Variants in ZNF888 observed in about 807,000 individuals in gnomAD.
The protein encoded by ZNF888 is zinc finger protein 888.
Under a neutral mutation model 7.2 loss-of-function variants are expected in ZNF888, and 5 were observed. The ratio of observed to expected loss-of-function variants is 0.70; its 90% confidence interval spans 0.36 to 1.46. The LOEUF (loss-of-function observed/expected upper bound fraction) is 1.46, where lower values mean the gene tolerates loss of function less well. ZNF888 is among the 40% of genes most tolerant of loss of function. The pLI is 0.03. For synonymous variants in ZNF888, 240 were observed against 284.3 expected (o/e 0.84, Z 1.57); for missense variants, 716 against 858.0 (o/e 0.83, Z 2.07).
Position 52,905,715 on chromosome 19 carries a change from TA to T in ZNF888, c.*449del, listed in dbSNP as rs1344261016. 13 of 461,538 alleles carry T rather than the reference TA, an allele frequency of 2.8e-5. No homozygotes were observed. Among genetic ancestry groups the T allele is most frequent in the Middle Eastern group, 3.4e-4 (1 of 2,928 alleles). The allele number at this position is 461,538 out of a possible 1,614,324, so 28.6% of individuals were successfully genotyped here. ...ATGCTGAACTGACTCTAGTGTCAAT[TA>T]ATGCTTGATGGTTTGCTATACTCAT... On this transcript the variant is annotated 3_prime_UTR_variant, in exon 5 of 5. Transcript: ENST00000638862.
At chr19:52,916,050 G>A (rs2064743270) in intron 3 of ZNF888, among the ~76,000 whole-genome samples, 1 of 152,382 alleles carries the variant, frequency 6.6e-6, no homozygotes, top group South Asian at 2.1e-4. Context: ...GGAGGCTGAG[G>A]CAGGAGAATG....
chr19:52,914,432 T>C (rs2064721245), intron 4 of ZNF888: 1 of 841,638 alleles, frequency 1.2e-6, no homozygotes, highest in Non-Finnish European at 1.4e-6. Flanking sequence ...GAAAGGACCA[T>C]GAAGTGCTGG....
In ZNF888 at chr19:52,904,806, G is replaced by GTATTAAACAA. The variant is rs1440353880; in HGVS notation, c.*1358_*1359insTTGTTTAATA. ...GTTTTTTTCCTAAAACAGGTACTGA[G>GTATTAAACAA]TATAAAACAATATAAAACAATATGA... On this transcript the variant is annotated 3_prime_UTR_variant, in exon 5 of 5. Transcript: ENST00000638862. 3 of 152,166 alleles carry GTATTAAACAA rather than the reference G, an allele frequency of 2.0e-5. No homozygotes were observed. Among genetic ancestry groups the GTATTAAACAA allele is most frequent in the Non-Finnish European group, 2.9e-5 (2 of 68,036 alleles). The allele number at this position is 152,166 out of a possible 1,614,324, so 9.4% of individuals were successfully genotyped here.
Position 52,907,428 on chromosome 19 carries a change from G to T in ZNF888, c.894C>A (p.Tyr298Ter). The T allele has an allele frequency of 6.2e-7, 1 of 1,611,648 alleles. No homozygotes were observed. Among genetic ancestry groups the T allele is most frequent in the Non-Finnish European group, 8.5e-7 (1 of 1,178,740 alleles). The change falls in exon 5 of 5, where the codon TAC (tyrosine) becomes TAA (stop). Residue 298 changes from tyrosine to a stop codon, truncating the protein, a stop_gained. Transcript: ENST00000638862. LOFTEE classifies it low-confidence loss of function (END_TRUNC). ...ACGTCTTGCCACACTCATTACACTTGTAAGGTTTTTCTCCAGTATGACGTC... is the reference window on the plus strand; with the variant it reads ...ACGTCTTGCCACACTCATTACACTTTTAAGGTTTTTCTCCAGTATGACGTC... ...HYRRHTGEKP[Y>*]KCNECGKTFS...
intron 1 of ZNF888, among the ~76,000 whole-genome samples, chr19:52,921,408 C>T (rs1198914930): frequency 2.0e-5 from 3 of 152,142 alleles, no homozygotes; most frequent in Non-Finnish European, 4.4e-5. Context: ...ACAGTGAAAA[C>T]ATTTTCACCG....
chr19:52,906,753 C>T lies in ZNF888; in HGVS notation c.1569G>A (p.Lys523=), dbSNP rs1235270590. ...CGAAGGTCTTGCCACACTCATTACA[C>T]TTGTAAGGTTTCTCTCCAGTGTGAA... The part of the protein sequence containing the change: ...TVIHTGEKPY[K]CNECGKTFVQ... The change falls in exon 5 of 5, where the codon AAG becomes AAA. Residue 523 remains lysine, a synonymous_variant. Coordinates refer to ENST00000638862, the MANE Select transcript of ZNF888 (RefSeq NM_001393938.1). 5 of 1,613,156 alleles carry T rather than the reference C, an allele frequency of 3.1e-6. No individual in the cohort carries two copies. The African/African-American group carries it at 5.3e-5, about 17-fold the overall frequency.
intron 2 of ZNF888, 30 bp from the exon 3 acceptor site, chr19:52,917,961 T>C (rs1026277317): frequency 2.5e-6 from 4 of 1,601,648 alleles, no homozygotes; most frequent in Non-Finnish European, 3.4e-6. Flanking sequence ...ATGTTAGAAA[T>C]ATGTTGTTTA....
At chr19:52,913,767 T>A (rs1311217424) in intron 4 of ZNF888, 1 of 983,230 alleles carries the variant, frequency 1.0e-6, no homozygotes, top group Non-Finnish European at 1.2e-6. Flanking sequence ...GTGGTTGTTA[T>A]ATTCACACTG....
intron 4 of ZNF888, among the ~76,000 whole-genome samples, chr19:52,912,271 G>A (rs1273092824): frequency 1.0e-4 from 15 of 147,156 alleles, no homozygotes; most frequent in Non-Finnish European, 2.1e-4. Flanking sequence ...CTGCCACCGC[G>A]CCCGGCTAAT....
At chr19:52,910,067 C>T (rs62117534) in intron 4 of ZNF888, among the ~76,000 whole-genome samples, 9 of 148,428 alleles carry the variant, frequency 6.1e-5, no homozygotes, top group East Asian at 2.0e-4. Context: ...GAGAATCACT[C>T]GACCCTGGAA....
chr19:52,920,511 A>AG (rs1568423815), intron 1 of ZNF888, among the ~76,000 whole-genome samples: 29 of 43,362 alleles, frequency 6.7e-4, no homozygotes, highest in African/African-American at 2.7e-3. Flanking sequence ...AAAAAAAAAA[A>AG]AAAAAGAAAA....
At position 52,905,607 on chromosome 19, in the gene ZNF888, A is replaced by C; in HGVS notation, c.*558T>G. ...TAGCATTACAGGTGTGAGCCACCGC[A>C]CTCAGCCTAATCCTCTTAACATAAA... On this transcript the variant is annotated 3_prime_UTR_variant, in exon 5 of 5. Coordinates refer to ENST00000638862, the MANE Select transcript of ZNF888 (RefSeq NM_001393938.1). The C allele has an allele frequency of 2.7e-6, 1 of 367,586 alleles. No individual in the cohort carries two copies. The highest frequency in any genetic ancestry group is 7.4e-5 in the East Asian group (1 of 13,482). The allele number at this position is 367,586 out of a possible 1,614,324, so 22.8% of individuals were successfully genotyped here.
chr19:52,918,136 G>T, intron 2 of ZNF888: 1 of 1,378,226 alleles, frequency 7.3e-7, no homozygotes, highest in Non-Finnish European at 9.4e-7. Flanking sequence ...ACACGCTGCA[G>T]CAGTAGGGAT....
At chr19:52,919,953 C>G (rs1477366477) in intron 1 of ZNF888, among the ~76,000 whole-genome samples, 2 of 59,974 alleles carry the variant, frequency 3.3e-5, no homozygotes, top group South Asian at 4.7e-4. Flanking sequence ...TGAGGAGCCC[C>G]TCTGCCCGGC....
rs2064844116 is a variant in ZNF888 at position 52,923,370 on chromosome 19, G to A, written c.-179C>T. On this transcript the variant is annotated splice_region_variant and 5_prime_UTR_variant, in exon 1 of 5. Transcript: ENST00000638862. ...AATACAACACAGAGCAAAACTCACC[G>A]CCGCAGTGTGACTTCCAGTCCACGC... 1 of 985,956 alleles carries A rather than the reference G, an allele frequency of 1.0e-6. No individual in the cohort carries two copies. Among genetic ancestry groups the A allele is most frequent in the African/African-American group, 1.7e-5 (1 of 57,380 alleles). 61.1% of individuals were successfully genotyped at this position (985,956 alleles called of 1,614,324 possible).
At chr19:52,913,558 G>T (rs1289627972) in intron 4 of ZNF888, among the ~76,000 whole-genome samples, 4 of 152,096 alleles carry the variant, frequency 2.6e-5, no homozygotes, top group Non-Finnish European at 5.9e-5. Context: ...CTGACCTCAG[G>T]TGATCCGCCC....
chr19:52,917,556 G>A (rs1451535973), intron 3 of ZNF888, among the ~76,000 whole-genome samples: 2 of 154 alleles, frequency 0.013, no homozygotes, highest in Admixed American at 0.062. Context: ...ATCCAGATGC[G>A]GCCCTGAACA....
rs536552292 is a variant in ZNF888 at position 52,913,240 on chromosome 19, T to A, written c.142+1956A>T. Among the ~76,000 whole-genome samples, 64 of 151,844 alleles carry A rather than the reference T, an allele frequency of 4.2e-4. 1 individual carries two copies. Among genetic ancestry groups the A allele is most frequent in the Middle Eastern group, 3.4e-3 (1 of 294 alleles). On this transcript the variant is annotated intron_variant, in intron 4 of 4. Coordinates refer to ENST00000638862, the MANE Select transcript of ZNF888 (RefSeq NM_001393938.1). ...CACTGTAAATATATGTTAATGAAAA[T>A]GCAACATATACAGAAATAATTCTGG... is the stretch of plus-strand genomic sequence containing the variant.
At chr19:52,919,441 G>A (rs1276106960) in intron 1 of ZNF888, among the ~76,000 whole-genome samples, 1 of 69,864 alleles carries the variant, frequency 1.4e-5, no homozygotes, top group African/African-American at 4.5e-5. Context: ...ATTGCAGACG[G>A]AGTCTCGTTC....
Sources: gnomAD v4.1 joint callset for allele counts (sites outside exome capture counted in the v4.1 genomes callset) on GRCh38, gnomAD v4.1.1 for gene constraint, MANE v1.5 for transcripts, NCBI Gene and HGNC (gene_info 2026-07-23, HGNC 2026-07-21) for gene names.